Variants in NAV1 observed in about 807,000 individuals in gnomAD.
NAV1 encodes neuron navigator 1, also known as pore membrane and/or filament interacting like protein 3.
NAV1 carries 18 observed loss-of-function variants against 175.2 expected under a neutral mutation model. The observed-to-expected ratio is 0.10, with a 90% confidence interval of 0.07 to 0.15. NAV1 has a LOEUF of 0.15. Among genes scored for constraint, NAV1 ranks in the 10% least tolerant of loss-of-function variants. The pLI, the probability that NAV1 is intolerant of heterozygous loss-of-function variation, is 1.00. For synonymous variants in NAV1, 897 were observed against 978.7 expected (o/e 0.92, Z 1.56); for missense variants, 1,731 against 2,436.6 (o/e 0.71, Z 6.10).
chr1:201,599,898 A>G (rs1163385157), intron 2 of NAV1, among the ~76,000 whole-genome samples: 1 of 152,196 alleles, frequency 6.6e-6, no homozygotes, highest in Non-Finnish European at 1.5e-5. Context: ...CTGAGATACA[A>G]TCTTGTCTCA....
rs112032363 is a variant in NAV1 at position 201,808,624 on chromosome 1, C to T, written c.4038+14C>T. 3.4e-5 allele frequency: 55 copies of T among 1,614,226 alleles called. 1 individual carries two copies. Among genetic ancestry groups the T allele is most frequent in the African/African-American group, 1.6e-4 (12 of 75,054 alleles). ...CACAACATGCAGGTCAGTGTCTGGG[C>T]GGACAGCTGCAGGAAAGGGAAGACC... On this transcript the variant is annotated intron_variant, in intron 19 of 29. Transcript: ENST00000367296. The surrounding 1 kb of genome is among the most constrained non-coding windows in gnomAD (Gnocchi z 5.5).
At chr1:201,560,088 G>C (rs1666153475) in intron 1 of NAV1, among the ~76,000 whole-genome samples, 1 of 152,202 alleles carries the variant, frequency 6.6e-6, no homozygotes, top group South Asian at 2.1e-4. Context: ...CTGTCTCTCT[G>C]TGTTGTGTTT....
intron 1 of NAV1, among the ~76,000 whole-genome samples, chr1:201,698,266 T>C (rs140414768): frequency 4.6e-5 from 7 of 152,318 alleles, no homozygotes; most frequent in Non-Finnish European, 1.0e-4. Flanking sequence ...ACCCACCTTA[T>C]CACTTTTCTA....
At chr1:201,775,377 G>T (rs1239231531) in intron 3 of NAV1, among the ~76,000 whole-genome samples, 1 of 152,190 alleles carries the variant, frequency 6.6e-6, no homozygotes, top group Non-Finnish European at 1.5e-5. Context: ...GAGTTTGGAA[G>T]ACTCACCTCT....
At chr1:201,655,500 G>GGTTCC (rs1180988699) in intron 1 of NAV1, among the ~76,000 whole-genome samples, 1 of 152,224 alleles carries the variant, frequency 6.6e-6, no homozygotes, top group African/African-American at 2.4e-5. Flanking sequence ...TGCGTGGGCA[G>GGTTCC]GTTCCCTCCT....
intron 1 of NAV1, among the ~76,000 whole-genome samples, chr1:201,674,393 G>T (rs950497492): frequency 6.1e-5 from 9 of 146,828 alleles, no homozygotes; most frequent in African/African-American, 2.0e-4. Flanking sequence ...GTGTGTGTTG[G>T]GGGGGGTTGT....
chr1:201,741,300 C>T (rs564811069), intron 3 of NAV1, among the ~76,000 whole-genome samples: 1 of 152,320 alleles, frequency 6.6e-6, no homozygotes, highest in South Asian at 2.1e-4. Flanking sequence ...TTTTCCCCTA[C>T]CACAGTATGA....
intron 2 of NAV1, among the ~76,000 whole-genome samples, chr1:201,642,896 A>G (rs1008114735): frequency 2.0e-5 from 3 of 151,092 alleles, no homozygotes; most frequent in East Asian, 2.0e-4. Context: ...CAGCCTCCCA[A>G]GTAGCTGGGA....
In NAV1 at chr1:201,802,136, CAA is replaced by C. The variant is rs771631007; in HGVS notation, c.3518-1439_3518-1438del. On this transcript the variant is annotated intron_variant, in intron 15 of 29. Coordinates refer to ENST00000367296, the Ensembl canonical transcript of NAV1. ...TGGGCGACAGAGCGAGACTCCGTCT[CAA>C]AAAAAAAAAAAAAAAAATTAGCCGG... is the stretch of plus-strand genomic sequence containing the variant. 7.6e-3 allele frequency among the ~76,000 whole-genome samples: 154 copies of C among 20,300 alleles called. 16 individuals carry two copies. The East Asian group carries it at 0.13, about 18-fold the overall frequency. The allele number at this position is 20,300 out of a possible 152,430, so 13.3% of individuals were successfully genotyped here.
chr1:201,586,006 A>C (rs956507585), intron 1 of NAV1, among the ~76,000 whole-genome samples: 1 of 152,174 alleles, frequency 6.6e-6, no homozygotes, highest in Non-Finnish European at 1.5e-5. Context: ...TCTCAAAGAG[A>C]TATTTGTACA....
At chr1:201,786,884 G>A (rs1418403725) in intron 9 of NAV1, among the ~76,000 whole-genome samples, 1 of 152,202 alleles carries the variant, frequency 6.6e-6, no homozygotes, top group East Asian at 1.9e-4. Context: ...CAGGCACATT[G>A]AACTGCCGGA....
intron 1 of NAV1, among the ~76,000 whole-genome samples, chr1:201,565,458 G>C (rs1666324784): frequency 6.6e-6 from 1 of 152,230 alleles, no homozygotes; most frequent in South Asian, 2.1e-4. Flanking sequence ...GGCACACAAA[G>C]TTTCCCTTGT....
In NAV1 at chr1:201,731,227, A is replaced by G. The variant is rs760480; in HGVS notation, c.1226+12472A>G. On this transcript the variant is annotated intron_variant, in intron 3 of 29. Coordinates refer to ENST00000367296, the Ensembl canonical transcript of NAV1. The stretch of plus-strand genomic sequence containing the variant: ...TCGTGATGTGCACACCAAGCAGTGG[A>G]AATGAGAGACAGACAGATACTGTGT... 3.8e-3 allele frequency among the ~76,000 whole-genome samples: 577 copies of G among 152,102 alleles called. 3 individuals are homozygous for G. Among genetic ancestry groups the G allele is most frequent in the African/African-American group, 0.013 (543 of 41,504 alleles).
upstream of NAV1, among the ~76,000 whole-genome samples, chr1:201,620,234 G>T (rs192951967): frequency 4.8e-4 from 73 of 152,224 alleles, no homozygotes; most frequent in East Asian, 0.012. Flanking sequence ...ATGGAAGGGG[G>T]GATCCCAGGG....
Position 201,808,131 on chromosome 1 carries a change from T to A in NAV1, c.3827T>A (p.Val1276Glu). 1.9e-6 allele frequency: 3 copies of A among 1,614,218 alleles called. No individual in the cohort carries two copies. The highest frequency in any genetic ancestry group is 2.5e-6 in the Non-Finnish European group (3 of 1,180,040). ...ATCAAGTCCTCCACCTCGTCCTCCGTGGGCACTGATGTCACCGAGTAAGTG... is the reference window on the plus strand; with the variant it reads ...ATCAAGTCCTCCACCTCGTCCTCCGAGGGCACTGATGTCACCGAGTAAGTG... The change falls in exon 18 of 30, where the codon GTG (valine) becomes GAG (glutamate). Residue 1276 changes from valine to glutamate, a missense_variant. This residue lies in a region of NAV1 where 146 missense variants were observed against 176.8 expected (regional missense o/e 0.83). Coordinates refer to ENST00000367296, the Ensembl canonical transcript of NAV1. This position sits in a 1 kb window ranked among gnomAD's most constrained non-coding sequence, Gnocchi z 5.5.
At chr1:201,592,528 T>C (rs777902781) in intron 2 of NAV1, among the ~76,000 whole-genome samples, 1 of 152,196 alleles carries the variant, frequency 6.6e-6, no homozygotes, top group Non-Finnish European at 1.5e-5. Context: ...GCTGGTGCTC[T>C]GTAGGCAGCA....
At chr1:201,581,377 A>T (rs1326056007) in intron 1 of NAV1, among the ~76,000 whole-genome samples, 1 of 152,182 alleles carries the variant, frequency 6.6e-6, no homozygotes, top group Non-Finnish European at 1.5e-5. Context: ...TGAGCATCAG[A>T]TTTTGAGAGG....
rs1198008961 is a variant in NAV1 at position 201,780,999 on chromosome 1, C to T, written c.1366-13C>T. 6.3e-6 allele frequency: 10 copies of T among 1,578,344 alleles called. No individual in the cohort carries two copies. In the Admixed American group the frequency reaches 9.4e-5, roughly 15 times the overall value. ...TAGAAGTATCTCACTCTGCCTTTTT[C>T]TCTTTTCTTTAGCTACGCACAGACT... On this transcript the variant is annotated splice_polypyrimidine_tract_variant and intron_variant, in intron 4 of 29. Coordinates refer to ENST00000367296, the Ensembl canonical transcript of NAV1.
chr1:201,646,551 T>A (rs925061037), upstream of NAV1, among the ~76,000 whole-genome samples: 4 of 152,296 alleles, frequency 2.6e-5, no homozygotes, highest in East Asian at 7.7e-4. Context: ...CACCTTTTTT[T>A]CTATGTCTCC....
Sources: allele counts gnomAD v4.1 joint callset (sites outside exome capture counted in the v4.1 genomes callset), GRCh38; gene constraint gnomAD v4.1.1; regional missense constraint gnomAD v4.1.1; non-coding constraint Gnocchi (gnomAD v3.1); transcripts MANE v1.5; gene names NCBI Gene and HGNC (gene_info 2026-07-23, HGNC 2026-07-21).